UMODL1: variants seen among roughly 807,000 people sequenced by gnomAD.
UMODL1 encodes uromodulin like 1.
A neutral mutation model predicts 136.3 loss-of-function variants in UMODL1; 128 were observed. That is an observed-to-expected ratio of 0.94 (90% CI 0.81 to 1.09). The LOEUF (loss-of-function observed/expected upper bound fraction) is 1.09, where lower values mean the gene tolerates loss of function less well. UMODL1 is among the 50% of genes least tolerant of loss of function. The pLI, the probability that UMODL1 is intolerant of heterozygous loss-of-function variation, is 0.00. For missense variants in UMODL1, 1,766 were observed against 1,725.6 expected (o/e 1.02, Z -0.41); for synonymous variants, 721 against 720.0 (o/e 1.00, Z -0.02).
chr21:42,096,329 C>T (rs2146463089), intron 6 of UMODL1, among the ~76,000 whole-genome samples: 1 of 152,324 alleles, frequency 6.6e-6, no homozygotes, highest in South Asian at 2.1e-4. Context: ...ACGGCAGCTT[C>T]TGCAGATGCC....
intron 14 of UMODL1, among the ~76,000 whole-genome samples, chr21:42,116,734 T>C (rs1240317980): frequency 6.6e-6 from 1 of 152,186 alleles, no homozygotes; most frequent in African/African-American, 2.4e-5. Flanking sequence ...CCATCACTAC[T>C]AATTCCAGAA....
intron 15 of UMODL1, 177 bp from the exon 16 acceptor site, chr21:42,120,910 C>T: frequency 1.4e-6 from 1 of 714,160 alleles, no homozygotes; most frequent in Non-Finnish European, 2.2e-6. Context: ...TTAGCCATTC[C>T]CAGCCCCAGC....
intron 5 of UMODL1, 105 bp from the exon 6 acceptor site, chr21:42,090,193 A>G: frequency 5.3e-6 from 8 of 1,522,074 alleles, no homozygotes; most frequent in Non-Finnish European, 6.2e-6. Context: ...CCGACGTGGC[A>G]CAAATCCGTG....
chr21:42,091,405 G>A (rs925320517), intron 6 of UMODL1, among the ~76,000 whole-genome samples: 7 of 152,234 alleles, frequency 4.6e-5, no homozygotes, highest in Non-Finnish European at 8.8e-5. Context: ...CCTGTTGGGA[G>A]TGGGGAGGGA....
At chr21:42,136,309 T>A (rs184958216) in intron 21 of UMODL1, among the ~76,000 whole-genome samples, 1 of 152,234 alleles carries the variant, frequency 6.6e-6, no homozygotes, top group Non-Finnish European at 1.5e-5. Context: ...CAACTCCATG[T>A]AGTTTCAAAA....
chr21:42,140,531 G>T (rs2067268033), intron 22 of UMODL1, among the ~76,000 whole-genome samples: 1 of 151,924 alleles, frequency 6.6e-6, no homozygotes, highest in South Asian at 2.1e-4. Flanking sequence ...CAAGCTTAGA[G>T]CCTTTCTTAC....
intron 1 of UMODL1, among the ~76,000 whole-genome samples, chr21:42,075,151 G>A (rs992963689): frequency 6.6e-6 from 1 of 152,068 alleles, no homozygotes; most frequent in African/African-American, 2.4e-5. Context: ...GCCCACCTTG[G>A]CCTCCCAAAG....
At chr21:42,117,922 C>G (rs2146519228) in intron 14 of UMODL1, among the ~76,000 whole-genome samples, 1 of 152,294 alleles carries the variant, frequency 6.6e-6, no homozygotes, top group South Asian at 2.1e-4. Flanking sequence ...CTTCCTTTGC[C>G]CATTTTTGGG....
chr21:42,140,296 T>C (rs1315978746), intron 22 of UMODL1, among the ~76,000 whole-genome samples: 1 of 100,546 alleles, frequency 9.9e-6, no homozygotes, highest in Non-Finnish European at 2.2e-5. Context: ...CAGAAAGGGA[T>C]AGACGTCCCA....
intron 12 of UMODL1, among the ~76,000 whole-genome samples, chr21:42,112,052 C>T (rs776689561): frequency 1.2e-4 from 19 of 152,130 alleles, no homozygotes; most frequent in Non-Finnish European, 2.2e-4. Flanking sequence ...TGCCCACCCC[C>T]GCTGTCCTGC....
In UMODL1 at chr21:42,099,273, A is replaced by C; in HGVS notation, c.1186+93A>C. On this transcript the variant is annotated intron_variant, in intron 7 of 22. Coordinates refer to ENST00000408910, the MANE Select transcript of UMODL1 (RefSeq NM_001004416.3). The surrounding 1 kb of genome is among the most constrained non-coding windows in gnomAD (Gnocchi z 4.1). ...TAGCATGTCGCGTTCTTCTTCCTATAACCAGGGCACCAGAAGTCACTGACC... is the reference window on the plus strand; with the variant it reads ...TAGCATGTCGCGTTCTTCTTCCTATCACCAGGGCACCAGAAGTCACTGACC... The C allele has an allele frequency of 6.6e-7, 1 of 1,506,552 alleles. No individual in the cohort carries two copies. The highest frequency in any genetic ancestry group is 8.9e-7 in the Non-Finnish European group (1 of 1,127,940). 93.3% of individuals were successfully genotyped at this position (1,506,552 alleles called of 1,614,324 possible). A position where few individuals can be genotyped will look rare whatever the true frequency, so the allele number is the denominator to read the frequency against.
At chr21:42,087,940 G>C (rs1311667045) in intron 4 of UMODL1, among the ~76,000 whole-genome samples, 2 of 152,082 alleles carry the variant, frequency 1.3e-5, no homozygotes, top group Non-Finnish European at 2.9e-5. Flanking sequence ...TCCCCTTTTT[G>C]TGAGGGCACC....
rs143501951 is a variant in UMODL1, at chr21:42,137,701, G to C, written c.*21+60G>C. ...CAGGAAGGTGGGTGTGGAGTGGGGT[G>C]GGAGGTGCAGGCTGACAGGAGGGTG... is the stretch of plus-strand genomic sequence containing the variant. On this transcript the variant is annotated intron_variant, in intron 22 of 22. Transcript: ENST00000408910. 4 of 913,724 alleles carry C rather than the reference G, an allele frequency of 4.4e-6. No individual in the cohort carries two copies. In the East Asian group the frequency reaches 1.8e-4, roughly 40 times the overall value. The allele number at this position is 913,724 out of a possible 1,614,324, so 56.6% of individuals were successfully genotyped here.
chr21:42,121,410 G>A (rs187562927), intron 16 of UMODL1, among the ~76,000 whole-genome samples, 186 bp downstream of exon 16: 134 of 152,178 alleles, frequency 8.8e-4, no homozygotes, highest in Non-Finnish European at 1.5e-3. Flanking sequence ...ATGTGTGTAC[G>A]TGTGTGCATG....
Position 42,111,037 on chromosome 21 carries a change from G to T in UMODL1, c.1815G>T (p.Trp605Cys), listed in dbSNP as rs1287372483. The T allele has an allele frequency of 6.2e-7, 1 of 1,613,362 alleles. No individual in the cohort carries two copies. The highest frequency in any genetic ancestry group is 8.5e-7 in the Non-Finnish European group (1 of 1,179,814). The change falls in exon 11 of 23, where the codon TGG becomes TGT. Residue 605 changes from tryptophan to cysteine, a missense_variant. Coordinates refer to ENST00000408910, the MANE Select transcript of UMODL1 (RefSeq NM_001004416.3). ...GCACCCCGGCAGCAGGCCAGGCCTG[G>T]ACCCCAGAGCCCTCACCCAGAAGAG... ...PQGTPAAGQA[W>C]TPEPSPRRGG...
At position 42,111,654 on chromosome 21, in the gene UMODL1, G is replaced by T. The variant is rs2066833315; in HGVS notation, c.2048G>T (p.Gly683Val). ...CGAAATGAGGACAGTGGACCCTCCGGTTCTGTAGACCTGCCATTGACCTCC... is the reference window on the plus strand; with the variant it reads ...CGAAATGAGGACAGTGGACCCTCCGTTTCTGTAGACCTGCCATTGACCTCC... Reference protein sequence around the residue: ...WLRNEDSGPSGSVDLPLTSTL... With the variant: ...WLRNEDSGPSVSVDLPLTSTL... The change falls in exon 12 of 23, where the codon GGT (glycine) becomes GTT (valine). Residue 683 changes from glycine (G) to valine (V), a missense_variant. Coordinates refer to ENST00000408910, the MANE Select transcript of UMODL1 (RefSeq NM_001004416.3). The T allele has an allele frequency of 6.2e-7, 1 of 1,613,998 alleles. No individual in the cohort carries two copies. Among genetic ancestry groups the T allele is most frequent in the East Asian group, 2.2e-5 (1 of 44,878 alleles).
At position 42,075,193 on chromosome 21, in the gene UMODL1, C is replaced by T. The variant is rs146912255; in HGVS notation, c.77-812C>T. 1.8e-3 allele frequency among the ~76,000 whole-genome samples: 272 copies of T among 152,108 alleles called. 1 individual carries two copies. The highest frequency in any genetic ancestry group is 5.6e-3 in the African/African-American group (234 of 41,490). ...GATTGATTACAGGCATGAGCCACCG[C>T]GCCCAGCCCACACCCGGCTAATTTT... On this transcript the variant is annotated intron_variant, in intron 1 of 22. Coordinates refer to ENST00000408910, the MANE Select transcript of UMODL1 (RefSeq NM_001004416.3).
chr21:42,129,684 C>T (rs7275646), intron 20 of UMODL1, 29 bp from the exon 21 acceptor site: 424,857 of 1,540,316 alleles, frequency 0.28, 63,220 homozygotes, highest in Non-Finnish European at 0.31. Context: ...ATTAATTTGA[C>T]GTTTCTCTTC....
At chr21:42,097,194 T>G (rs917794567) in intron 6 of UMODL1, among the ~76,000 whole-genome samples, 1 of 152,246 alleles carries the variant, frequency 6.6e-6, no homozygotes, top group South Asian at 2.1e-4. Context: ...GATGTGTCTT[T>G]TAAAAAACTA....
Sources: allele counts gnomAD v4.1 joint callset (sites outside exome capture counted in the v4.1 genomes callset), GRCh38; gene constraint gnomAD v4.1.1; non-coding constraint Gnocchi (gnomAD v3.1); transcripts MANE v1.5; gene names NCBI Gene and HGNC (gene_info 2026-07-23, HGNC 2026-07-21).